Variants in SPAG16 observed in about 807,000 individuals in gnomAD.
SPAG16 encodes sperm associated antigen 16, also known as sperm-associated antigen 16 protein.
In SPAG16, 86 loss-of-function variants were observed where a neutral mutation model predicts 80.4. The observed-to-expected ratio is 1.07, with a 90% CI of 0.90 to 1.28. The LOEUF (loss-of-function observed/expected upper bound fraction) is 1.28, where lower values mean the gene tolerates loss of function less well. Among genes scored for constraint, SPAG16 ranks in the 50% most tolerant of loss-of-function variants. The pLI, the probability that SPAG16 is intolerant of heterozygous loss-of-function variation, is 0.00. For synonymous variants in SPAG16, 294 were observed against 265.9 expected (o/e 1.11, Z -1.03); for missense variants, 870 against 765.3 (o/e 1.14, Z -1.61).
intron 10 of SPAG16, among the ~76,000 whole-genome samples, chr2:213,621,522 T>C (rs1382341740): frequency 6.6e-6 from 1 of 152,066 alleles, no homozygotes; most frequent in Non-Finnish European, 1.5e-5. Context: ...AGGCGAAATA[T>C]TGATGGATGA....
At chr2:213,958,526 C>G (rs1006517225) in intron 12 of SPAG16, among the ~76,000 whole-genome samples, 1 of 152,138 alleles carries the variant, frequency 6.6e-6, no homozygotes, top group Non-Finnish European at 1.5e-5. Context: ...ATTATGAGCT[C>G]ACAACTTTGA....
At chr2:214,166,153 A>T (rs1034870960) in intron 15 of SPAG16, among the ~76,000 whole-genome samples, 3 of 152,206 alleles carry the variant, frequency 2.0e-5, no homozygotes, top group African/African-American at 7.2e-5. Context: ...GTGAAAACAA[A>T]GGCAGTGGAA....
At chr2:213,392,232 T>C (rs1357228002) in intron 9 of SPAG16, among the ~76,000 whole-genome samples, 1 of 152,218 alleles carries the variant, frequency 6.6e-6, no homozygotes, top group East Asian at 1.9e-4. Context: ...CTAATCCACT[T>C]AAGTGCTGAT....
intron 10 of SPAG16, among the ~76,000 whole-genome samples, chr2:213,807,768 A>G (rs2071862139): frequency 6.6e-6 from 1 of 152,214 alleles, no homozygotes; most frequent in Admixed American, 6.5e-5. Flanking sequence ...TACAGAGTAG[A>G]CATATTAGGA....
chr2:213,966,431 T>C (rs1238779367), intron 12 of SPAG16, among the ~76,000 whole-genome samples: 10 of 152,282 alleles, frequency 6.6e-5, no homozygotes, highest in Admixed American at 5.2e-4. Context: ...TAATAAGAAA[T>C]GCTTCTAATA....
intron 10 of SPAG16, among the ~76,000 whole-genome samples, chr2:213,595,093 T>C (rs916279393): frequency 6.6e-6 from 1 of 151,900 alleles, no homozygotes; most frequent in Non-Finnish European, 1.5e-5. Context: ...CTAGATAAGC[T>C]TTCTCAAGGA....
At chr2:213,932,178 A>T (rs1367823830) in intron 12 of SPAG16, among the ~76,000 whole-genome samples, 23 of 23,562 alleles carry the variant, frequency 9.8e-4, no homozygotes, top group Admixed American at 1.7e-3. Context: ...ATATATATAT[A>T]TATATATATA....
intron 10 of SPAG16, among the ~76,000 whole-genome samples, chr2:213,823,558 C>T (rs2073084138): frequency 6.6e-6 from 1 of 152,070 alleles, no homozygotes; most frequent in South Asian, 2.1e-4. Flanking sequence ...TAGGGTTTCT[C>T]CATGTTTGTC....
intron 10 of SPAG16, among the ~76,000 whole-genome samples, chr2:213,561,878 C>G (rs549338061): frequency 6.6e-6 from 1 of 152,060 alleles, no homozygotes; most frequent in African/African-American, 2.4e-5. Flanking sequence ...CCCTTGGCCA[C>G]CTATTATTCT....
chr2:213,540,574 C>T (rs1458732362), intron 10 of SPAG16, among the ~76,000 whole-genome samples: 1 of 151,798 alleles, frequency 6.6e-6, no homozygotes, highest in African/African-American at 2.4e-5. Flanking sequence ...GTTTCTCAGC[C>T]TTTAGTTAAT....
chr2:213,994,298 C>T (rs1223269251), intron 12 of SPAG16, among the ~76,000 whole-genome samples: 1 of 151,654 alleles, frequency 6.6e-6, no homozygotes, highest in Non-Finnish European at 1.5e-5. Flanking sequence ...TGCCAGGTGA[C>T]ATATTTTAAT....
chr2:213,756,197 T>C (rs1365435184), intron 10 of SPAG16, among the ~76,000 whole-genome samples: 1 of 152,090 alleles, frequency 6.6e-6, no homozygotes, highest in Non-Finnish European at 1.5e-5. Flanking sequence ...AAAAAGTCTA[T>C]GGGCCAGGCA....
rs1261685098 is a variant in SPAG16 at position 214,011,051 on chromosome 2, GTTATAC to G, written c.1401-2895_1401-2890del. Reference sequence around the variant, plus strand: ...TACGTGACTTTCAGCAATGCCTTTAGTTATACTTATTTTATTGTTAAATTTCATATA... The same window carrying G: ...TACGTGACTTTCAGCAATGCCTTTAGTTATTTTATTGTTAAATTTCATATA... On this transcript the variant is annotated intron_variant, in intron 12 of 15. Transcript: ENST00000331683. Among the ~76,000 whole-genome samples the G allele has an allele frequency of 4.1e-5, 6 of 145,120 alleles. 1 individual carries two copies. Among genetic ancestry groups the G allele is most frequent in the African/African-American group, 1.6e-4 (6 of 36,820 alleles).
At chr2:214,133,184 G>T (rs535219056) in intron 14 of SPAG16, among the ~76,000 whole-genome samples, 9 of 151,736 alleles carry the variant, frequency 5.9e-5, no homozygotes, top group Non-Finnish European at 1.3e-4. Context: ...TGATTTTATG[G>T]ACTGGTAATT....
At chr2:213,736,706 A>ATTTT (rs10631489) in intron 10 of SPAG16, among the ~76,000 whole-genome samples, 22 of 145,478 alleles carry the variant, frequency 1.5e-4, no homozygotes, top group African/African-American at 5.3e-4. Flanking sequence ...TTTTTAAATA[A>ATTTT]TTTTTTTTTT....
At chr2:214,405,930 T>C (rs1701973808) in intron 15 of SPAG16, among the ~76,000 whole-genome samples, 1 of 152,184 alleles carries the variant, frequency 6.6e-6, no homozygotes, top group African/African-American at 2.4e-5. Flanking sequence ...GCTCTAGACA[T>C]TCAATGAATG....
chr2:213,417,516 A>G (rs1002410589), intron 9 of SPAG16, among the ~76,000 whole-genome samples: 2 of 152,244 alleles, frequency 1.3e-5, no homozygotes, highest in East Asian at 1.9e-4. Context: ...TTAAATGGCT[A>G]TAACTTGCTT....
At chr2:214,026,583 C>T (rs998778170) in intron 13 of SPAG16, among the ~76,000 whole-genome samples, 7 of 151,414 alleles carry the variant, frequency 4.6e-5, no homozygotes, top group Non-Finnish European at 7.4e-5. Context: ...AATGAAATTC[C>T]AAGGAGATCC....
At chr2:214,136,033 A>C (rs536812143) in intron 14 of SPAG16, among the ~76,000 whole-genome samples, 1 of 152,132 alleles carries the variant, frequency 6.6e-6, no homozygotes, top group Non-Finnish European at 1.5e-5. Context: ...AGGGGAGCTG[A>C]CAGGTAGAGA....
Sources: gnomAD v4.1 joint callset for allele counts (sites outside exome capture counted in the v4.1 genomes callset) on GRCh38, gnomAD v4.1.1 for gene constraint, MANE v1.5 for transcripts, NCBI Gene and HGNC (gene_info 2026-07-23, HGNC 2026-07-21) for gene names.